Variants in KIRREL3 observed in about 807,000 individuals in gnomAD.
KIRREL3 encodes the protein kirre like nephrin family adhesion molecule 3.
KIRREL3 carries 36 observed loss-of-function variants against 89.7 expected under a neutral mutation model. The observed-to-expected ratio is 0.40, with a 90% confidence interval of 0.31 to 0.53. The LOEUF (loss-of-function observed/expected upper bound fraction) is 0.53, where lower values mean the gene tolerates loss of function less well. Ranked by LOEUF, KIRREL3 falls within the 20% of genes least tolerant of loss-of-function variation. The probability of loss-of-function intolerance (pLI) is 0.49; values close to 1 mark genes in which losing one functional copy is unlikely to be tolerated. For synonymous variants in KIRREL3, 445 were observed against 441.4 expected (o/e 1.01, Z -0.10); for missense variants, 864 against 1,056.6 (o/e 0.82, Z 2.53).
intron 1 of KIRREL3, among the ~76,000 whole-genome samples, chr11:126,945,706 G>T (rs185402966): frequency 6.6e-6 from 1 of 152,044 alleles, no homozygotes; most frequent in Admixed American, 6.6e-5. Context: ...CCTTATAATG[G>T]CGGGAAAAGA....
chr11:126,514,434 T>C (rs980640615), intron 4 of KIRREL3, among the ~76,000 whole-genome samples: 1 of 152,152 alleles, frequency 6.6e-6, no homozygotes, highest in Non-Finnish European at 1.5e-5. Context: ...CTTCCTGCCT[T>C]GCTTGATACA....
chr11:126,776,179 C>A lies in KIRREL3; in HGVS notation c.56-213267G>T, dbSNP rs1950164190. ...CTAGAAGCTGGTCCAGGCTGGTTGGCAGGTGGCTTCCCTCCTGTGGCTGCT... is the reference window on the plus strand; with the variant it reads ...CTAGAAGCTGGTCCAGGCTGGTTGGAAGGTGGCTTCCCTCCTGTGGCTGCT... On this transcript the variant is annotated intron_variant, in intron 1 of 16. Transcript: ENST00000525144. The surrounding 1 kb of genome is among the most constrained non-coding windows in gnomAD (Gnocchi z 4.7). 6.6e-6 allele frequency among the ~76,000 whole-genome samples: 1 copy of A among 152,188 alleles called. No homozygotes were observed. The highest frequency in any genetic ancestry group is 1.5e-5 in the Non-Finnish European group (1 of 68,028).
chr11:126,644,005 G>T lies in KIRREL3; in HGVS notation c.56-81093C>A, dbSNP rs114617149. Among the ~76,000 whole-genome samples the T allele has an allele frequency of 6.8e-3, 1,038 of 152,310 alleles. 14 individuals are homozygous for T. The highest frequency in any genetic ancestry group is 0.023 in the African/African-American group (954 of 41,558). On this transcript the variant is annotated intron_variant, in intron 1 of 16. Transcript: ENST00000525144. ...ACCTTGTAGGAAACCACGTGCAGAT[G>T]CTCAGTCTAGCTGGAACTATGTGCC...
At chr11:126,901,700 G>C (rs939996713) in intron 1 of KIRREL3, among the ~76,000 whole-genome samples, 37 of 152,176 alleles carry the variant, frequency 2.4e-4, no homozygotes, top group African/African-American at 8.9e-4. Flanking sequence ...ATGACCCCTT[G>C]AACATGGGTT....
At chr11:126,510,469 C>CT (rs1555129453) in intron 4 of KIRREL3, among the ~76,000 whole-genome samples, 6 of 117,138 alleles carry the variant, frequency 5.1e-5, no homozygotes, top group African/African-American at 1.4e-4. Context: ...TCCTTCCTTC[C>CT]TTTTTTTTGA....
rs1195009427 is a variant in KIRREL3 at position 126,655,104 on chromosome 11, G to A, written c.56-92192C>T. 2.0e-5 allele frequency among the ~76,000 whole-genome samples: 3 copies of A among 152,230 alleles called. No homozygotes were observed. The highest frequency in any genetic ancestry group is 6.5e-5 in the Admixed American group (1 of 15,288). On this transcript the variant is annotated intron_variant, in intron 1 of 16. Transcript: ENST00000525144. This position sits in a 1 kb window ranked among gnomAD's most constrained non-coding sequence, Gnocchi z 5.0. ...TGGTGGAGCACATCTGTCTCTCTCC[G>A]TGTTGGTGGCTGTGATTTGGCAGCT...
rs572395313 is a variant in KIRREL3 at position 126,873,429 on chromosome 11, T to A, written c.55+127026A>T. Among the ~76,000 whole-genome samples the A allele has an allele frequency of 2.6e-5, 4 of 152,320 alleles. No homozygotes were observed. The South Asian group carries it at 8.3e-4, about 32-fold the overall frequency. On this transcript the variant is annotated intron_variant, in intron 1 of 16. Coordinates refer to ENST00000525144, the MANE Select transcript of KIRREL3 (RefSeq NM_032531.4). ...ATCAAGCAAACAGATTGGGGAGCGA[T>A]GCCGGGCTGTTTGTAGAAAACACCA...
At chr11:126,735,563 G>C (rs1315527214) in intron 1 of KIRREL3, among the ~76,000 whole-genome samples, 1 of 152,186 alleles carries the variant, frequency 6.6e-6, no homozygotes, top group Non-Finnish European at 1.5e-5. Flanking sequence ...AATAATGTGC[G>C]TCGGGGAATT....
At chr11:126,625,595 T>C (rs931583768) in intron 1 of KIRREL3, among the ~76,000 whole-genome samples, 6 of 152,190 alleles carry the variant, frequency 3.9e-5, no homozygotes, top group Admixed American at 1.3e-4. Flanking sequence ...ACTCCTTGCA[T>C]GATATTCACA....
Position 126,682,131 on chromosome 11 carries a change from TG to T in KIRREL3, c.56-119220del. The T allele has an allele frequency of 3.0e-6, 1 of 334,180 alleles. No individual in the cohort carries two copies. Among genetic ancestry groups the T allele is most frequent in the Non-Finnish European group, 5.9e-6 (1 of 169,568 alleles). 20.7% of individuals were successfully genotyped at this position (334,180 alleles called of 1,614,324 possible). On this transcript the variant is annotated intron_variant, in intron 1 of 16. Transcript: ENST00000525144. The surrounding 1 kb of genome is among the most constrained non-coding windows in gnomAD (Gnocchi z 4.8). Reference sequence around the variant, plus strand: ...CACCGAAAAGGTCATATTTAGGACCTGGGTGAAGGAAGAGTGGGCATCACAG... The same window carrying T: ...CACCGAAAAGGTCATATTTAGGACCTGGTGAAGGAAGAGTGGGCATCACAG...
At chr11:126,654,852 A>C (rs1945066636) in intron 1 of KIRREL3, among the ~76,000 whole-genome samples, 1 of 152,034 alleles carries the variant, frequency 6.6e-6, no homozygotes, top group Admixed American at 6.5e-5. Context: ...GCTTCTTTAA[A>C]GGCTTTGCTT....
rs980646188 is a variant in KIRREL3 at position 126,683,323 on chromosome 11, G to A, written c.56-120411C>T. Reference sequence around the variant, plus strand: ...AGTTGGGGTTGTGAAATATTAGAACGTGTGGATAGTCTGATGGTTTGCAAG... The same window carrying A: ...AGTTGGGGTTGTGAAATATTAGAACATGTGGATAGTCTGATGGTTTGCAAG... On this transcript the variant is annotated intron_variant, in intron 1 of 16. Coordinates refer to ENST00000525144, the MANE Select transcript of KIRREL3 (RefSeq NM_032531.4). The surrounding 1 kb of genome is among the most constrained non-coding windows in gnomAD (Gnocchi z 5.2). 2.0e-5 allele frequency among the ~76,000 whole-genome samples: 3 copies of A among 152,174 alleles called. No individual in the cohort carries two copies. The highest frequency in any genetic ancestry group is 7.2e-5 in the African/African-American group (3 of 41,446).
In KIRREL3 at chr11:126,575,133, GAC is replaced by G. The variant is rs1195916109; in HGVS notation, c.56-12223_56-12222del. On this transcript the variant is annotated intron_variant, in intron 1 of 16. Coordinates refer to ENST00000525144, the MANE Select transcript of KIRREL3 (RefSeq NM_032531.4). This position sits in a 1 kb window ranked among gnomAD's most constrained non-coding sequence, Gnocchi z 7.0. ...TCTGGAGAAAGTTCTCTGGCCAGAG[GAC>G]ACAGTGAGGGAGCCTGGTTTAAAAA... 6.6e-6 allele frequency among the ~76,000 whole-genome samples: 1 copy of G among 152,170 alleles called. No individual in the cohort carries two copies. Among genetic ancestry groups the G allele is most frequent in the Non-Finnish European group, 1.5e-5 (1 of 68,024 alleles).
At chr11:126,660,519 A>G (rs1945348258) in intron 1 of KIRREL3, among the ~76,000 whole-genome samples, 1 of 152,142 alleles carries the variant, frequency 6.6e-6, no homozygotes. Context: ...CTAATTGAGA[A>G]CTGACTGTGT....
Position 126,513,248 on chromosome 11 carries a change from G to T in KIRREL3, c.433+8067C>A, listed in dbSNP as rs961216532. ...CCTTGTCCTGGTGTTGGGAGCAAAA[G>T]ATGCTGGGGGGTATGGGGGCTGGCC... On this transcript the variant is annotated intron_variant, in intron 4 of 16. Transcript: ENST00000525144. This position sits in a 1 kb window ranked among gnomAD's most constrained non-coding sequence, Gnocchi z 5.9. 2.0e-5 allele frequency among the ~76,000 whole-genome samples: 3 copies of T among 152,150 alleles called. No homozygotes were observed. Among genetic ancestry groups the T allele is most frequent in the African/African-American group, 7.2e-5 (3 of 41,426 alleles).
At chr11:126,821,566 A>G (rs1943228686) in intron 1 of KIRREL3, among the ~76,000 whole-genome samples, 1 of 152,004 alleles carries the variant, frequency 6.6e-6, no homozygotes, top group African/African-American at 2.4e-5. Context: ...TGAGGTAGGC[A>G]GAATAATGTA....
At position 126,558,170 on chromosome 11, in the gene KIRREL3, GA is replaced by G. The variant is rs1421427070; in HGVS notation, c.133+4664del. On this transcript the variant is annotated intron_variant, in intron 2 of 16. Coordinates refer to ENST00000525144, the MANE Select transcript of KIRREL3 (RefSeq NM_032531.4). The surrounding 1 kb of genome is among the most constrained non-coding windows in gnomAD (Gnocchi z 4.0). ...CTGCCCCAAGGGGATGGCTGAAGGG[GA>G]GGTCAAAACTTCGGTGCCTCTGCTT... 6.6e-6 allele frequency among the ~76,000 whole-genome samples: 1 copy of G among 152,218 alleles called. No individual in the cohort carries two copies. Among genetic ancestry groups the G allele is most frequent in the African/African-American group, 2.4e-5 (1 of 41,452 alleles).
At chr11:126,573,069 G>A (rs1005465708) in intron 1 of KIRREL3, among the ~76,000 whole-genome samples, 1 of 152,150 alleles carries the variant, frequency 6.6e-6, no homozygotes, top group Non-Finnish European at 1.5e-5. Context: ...GGGTGGAGAT[G>A]TGTGGGCTAA....
chr11:126,690,648 C>G (rs1314302192), intron 1 of KIRREL3, among the ~76,000 whole-genome samples: 1 of 152,178 alleles, frequency 6.6e-6, no homozygotes, highest in Non-Finnish European at 1.5e-5. Context: ...GGTGAATTCT[C>G]CAGTTGGCAA....
Sources: gnomAD v4.1 joint callset for allele counts (sites outside exome capture counted in the v4.1 genomes callset) on GRCh38, gnomAD v4.1.1 for gene constraint, Gnocchi (gnomAD v3.1) non-coding constraint, MANE v1.5 for transcripts, NCBI Gene and HGNC (gene_info 2026-07-23, HGNC 2026-07-21) for gene names.